The following GOLM1 variants were observed in gnomAD, a reference collection of about 807,000 sequenced individuals.
GOLM1 encodes the protein epididymis luminal protein 46.
In GOLM1, 31 loss-of-function variants were observed where a neutral mutation model predicts 50.5. The observed-to-expected ratio is 0.61, with a 90% CI of 0.46 to 0.83. The LOEUF is 0.83. GOLM1 is among the 40% of genes least tolerant of loss of function. The pLI, the probability that GOLM1 is intolerant of heterozygous loss-of-function variation, is 0.00. For missense variants in GOLM1, 491 were observed against 501.3 expected (o/e 0.98, Z 0.20); for synonymous variants, 178 against 192.8 (o/e 0.92, Z 0.64).
At chr9:86,099,950 A>T (rs1189838876), upstream of GOLM1, 1 of 152,284 alleles carries the variant, frequency 6.6e-6, no homozygotes, top group Non-Finnish European at 1.5e-5. Context: ...TACCTTCTTT[A>T]TAAAAGTCGT....
chr9:86,060,919 A>G (rs1301374152), intron 3 of GOLM1, among the ~76,000 whole-genome samples: 3 of 140,570 alleles, frequency 2.1e-5, no homozygotes, highest in African/African-American at 8.2e-5. Flanking sequence ...AAAAAAGAAG[A>G]AGAAGAAGAA....
intron 3 of GOLM1, among the ~76,000 whole-genome samples, chr9:86,068,204 C>T (rs1834360283): frequency 6.6e-6 from 1 of 152,140 alleles, no homozygotes. Flanking sequence ...ACTGCACTTA[C>T]AAGCTGAGGA....
At chr9:86,090,071 G>T (rs1376338872) in intron 1 of GOLM1, among the ~76,000 whole-genome samples, 1 of 152,124 alleles carries the variant, frequency 6.6e-6, no homozygotes, top group African/African-American at 2.4e-5. Context: ...ATCACCAGTG[G>T]AGGCATCAGA....
chr9:86,053,677 C>CACCATTCCAAACCATGCTACACACCACA (rs1564347591), intron 3 of GOLM1, among the ~76,000 whole-genome samples: 1 of 147,924 alleles, frequency 6.8e-6, no homozygotes. Flanking sequence ...ACACGGCACA[C>CACCATTCCAAACCATGCTACACACCACA]CACTCCACAC....
At chr9:86,051,968 A>G (rs574440281) in intron 4 of GOLM1, among the ~76,000 whole-genome samples, 1 of 152,238 alleles carries the variant, frequency 6.6e-6, no homozygotes, top group East Asian at 1.9e-4. Context: ...AAAATTATTC[A>G]ACCCAACAGA....
chr9:86,058,835 A>G (rs570428672), intron 3 of GOLM1, among the ~76,000 whole-genome samples: 9 of 152,198 alleles, frequency 5.9e-5, no homozygotes, highest in Non-Finnish European at 1.0e-4. Flanking sequence ...CATCTCTACT[A>G]AAACTACAAA....
chr9:86,095,868 T>C (rs1835342249), intron 1 of GOLM1, among the ~76,000 whole-genome samples: 1 of 152,210 alleles, frequency 6.6e-6, no homozygotes, highest in Admixed American at 6.5e-5. Context: ...TAGCTACCTG[T>C]TATTTTGAGT....
Position 86,027,842 on chromosome 9 carries a change from C to G in GOLM1, c.1181G>C (p.Arg394Pro). 1 of 1,612,716 alleles carries G rather than the reference C, an allele frequency of 6.2e-7. No individual in the cohort carries two copies. The highest frequency in any genetic ancestry group is 8.5e-7 in the Non-Finnish European group (1 of 1,178,948). The change falls in exon 10 of 10, where the codon CGT (arginine) becomes CCT (proline). Residue 394 changes from arginine to proline, a missense_variant. Transcript: ENST00000388712. ...KRDTINLLDQ[R>P]EKRNHTL Reference sequence around the variant, plus strand: ...TCAGAGTGTATGATTCCGCTTTTCACGCTGATCAAGTAAATTTATGGTGTC... The same window carrying G: ...TCAGAGTGTATGATTCCGCTTTTCAGGCTGATCAAGTAAATTTATGGTGTC...
chr9:86,031,925 CAAAAAAAA>C (rs1043805404), intron 9 of GOLM1, among the ~76,000 whole-genome samples: 1 of 36,054 alleles, frequency 2.8e-5, no homozygotes, highest in African/African-American at 1.0e-4. Context: ...GACTCCATCT[CAAAAAAAA>C]AAAAAAAAAA....
At chr9:86,058,720 G>C (rs1447900882) in intron 3 of GOLM1, among the ~76,000 whole-genome samples, 2 of 136,766 alleles carry the variant, frequency 1.5e-5, no homozygotes, top group African/African-American at 6.0e-5. Context: ...AAATAGCCAG[G>C]GCGAGGTGGC....
chr9:86,082,584 G>C (rs1243880236), intron 1 of GOLM1, among the ~76,000 whole-genome samples: 1 of 151,842 alleles, frequency 6.6e-6, no homozygotes, highest in Admixed American at 6.6e-5. Flanking sequence ...GGGACTACAG[G>C]TGTGTGCCAC....
intron 3 of GOLM1, among the ~76,000 whole-genome samples, chr9:86,053,562 C>CA: frequency 1.1e-5 from 1 of 87,840 alleles, no homozygotes; most frequent in African/African-American, 3.3e-5. Flanking sequence ...ACACTACACA[C>CA]ACACACATCA....
intron 1 of GOLM1, among the ~76,000 whole-genome samples, chr9:86,096,736 G>A (rs1325950772): frequency 6.6e-6 from 1 of 152,114 alleles, no homozygotes; most frequent in African/African-American, 2.4e-5. Flanking sequence ...CTCTAATGTT[G>A]TTAACAAATC....
At chr9:86,040,008 A>G (rs1254028588) in intron 6 of GOLM1, among the ~76,000 whole-genome samples, 1 of 151,864 alleles carries the variant, frequency 6.6e-6, no homozygotes, top group Non-Finnish European at 1.5e-5. Flanking sequence ...GGCCACACAT[A>G]TATGATTCTA....
At chr9:86,094,268 C>T (rs1313087118) in intron 1 of GOLM1, among the ~76,000 whole-genome samples, 1 of 152,120 alleles carries the variant, frequency 6.6e-6, no homozygotes, top group Non-Finnish European at 1.5e-5. Flanking sequence ...GACAGAGACT[C>T]ACAGACCAAC....
At chr9:86,056,078 T>A (rs1174916627) in intron 3 of GOLM1, among the ~76,000 whole-genome samples, 3 of 152,154 alleles carry the variant, frequency 2.0e-5, no homozygotes, top group Non-Finnish European at 2.9e-5. Context: ...GGGTAAATAA[T>A]TTCTATGAAA....
At chr9:86,037,034 CTT>C (rs1018683055) in intron 6 of GOLM1, among the ~76,000 whole-genome samples, 1 of 152,184 alleles carries the variant, frequency 6.6e-6, no homozygotes, top group African/African-American at 2.4e-5. Flanking sequence ...CAGGATGAAA[CTT>C]ATGACATTTG....
chr9:86,089,230 T>C (rs937513964), intron 1 of GOLM1, among the ~76,000 whole-genome samples: 5 of 152,196 alleles, frequency 3.3e-5, no homozygotes, highest in Non-Finnish European at 5.9e-5. Flanking sequence ...CTGACAATTA[T>C]GTGTCTTCAG....
At chr9:86,037,543 CT>C (rs754106215) in intron 6 of GOLM1, among the ~76,000 whole-genome samples, 3 of 152,110 alleles carry the variant, frequency 2.0e-5, no homozygotes, top group Non-Finnish European at 4.4e-5. Context: ...AAATGTACAC[CT>C]TCAAGCATCT....
Sources: gnomAD v4.1 joint callset for allele counts (sites outside exome capture counted in the v4.1 genomes callset) on GRCh38, gnomAD v4.1.1 for gene constraint, MANE v1.5 for transcripts, NCBI Gene and HGNC (gene_info 2026-07-23, HGNC 2026-07-21) for gene names.